Variants in ANK3 observed in about 807,000 individuals in gnomAD.
ANK3 encodes the protein ankyrin-3.
A neutral mutation model predicts 370.9 loss-of-function variants in ANK3; 57 were observed. That is an observed-to-expected ratio of 0.15 (90% CI 0.12 to 0.19). ANK3 has a LOEUF of 0.19. ANK3 is among the 10% of genes least tolerant of loss of function. The pLI, the probability that ANK3 is intolerant of heterozygous loss-of-function variation, is 1.00. For synonymous variants in ANK3, 1,929 were observed against 1,946.3 expected (o/e 0.99, Z 0.23); for missense variants, 4,439 against 5,302.1 (o/e 0.84, Z 5.06).
At chr10:60,085,108 TA>T (rs2086329388) in intron 31 of ANK3, 48 bp downstream of exon 31, 6 of 1,455,414 alleles carry the variant, frequency 4.1e-6, no homozygotes, top group African/African-American at 1.4e-5. Context: ...TTCCAAAAGG[TA>T]ATAAAAACTA....
rs1039806588 is a variant in ANK3 at position 60,070,247 on chromosome 10, C to A, written c.10634G>T (p.Trp3545Leu). The change falls in exon 37 of 44, where the codon TGG (tryptophan) becomes TTG (leucine). Residue 3545 changes from tryptophan to leucine, a missense_variant. Coordinates refer to ENST00000280772, the MANE Select transcript of ANK3 (RefSeq NM_020987.5). The surrounding 1 kb of genome is among the most constrained non-coding windows in gnomAD (Gnocchi z 5.7). The part of the protein sequence containing the change: ...VATKGLDFDP[W>L]SNNRGDDEVF... ...TTCATCATCCCCTCGGTTATTAGAC[C>A]AAGGGTCAAAATCTAGACCTTTGGT... The A allele has an allele frequency of 3.7e-6, 6 of 1,613,894 alleles. No individual in the cohort carries two copies. The highest frequency in any genetic ancestry group is 5.1e-6 in the Non-Finnish European group (6 of 1,179,962).
At chr10:60,547,387 G>A (rs1474481994) in intron 2 of ANK3, among the ~76,000 whole-genome samples, 5 of 151,646 alleles carry the variant, frequency 3.3e-5, no homozygotes, top group Admixed American at 1.3e-4. Flanking sequence ...CATCGCTCCC[G>A]GTCCTTTTCT....
rs1211071025 is a variant in ANK3, at chr10:60,074,594, C to T, written c.6287G>A (p.Cys2096Tyr). 6.2e-7 allele frequency: 1 copy of T among 1,614,018 alleles called. No homozygotes were observed. Among genetic ancestry groups the T allele is most frequent in the African/African-American group, 1.3e-5 (1 of 74,924 alleles). The change falls in exon 37 of 44, where the codon TGT (cysteine) becomes TAT (tyrosine). Residue 2096 changes from cysteine to tyrosine, a missense_variant. Physicochemically the swap from Cys to Tyr is radical, Grantham distance 194 (BLOSUM62 -2). This residue lies in a region of ANK3 where 679 missense variants were observed against 791.0 expected (regional missense o/e 0.86). Transcript: ENST00000280772. ...MRTSTSEKEL[C>Y]KMADSFFGTD... is the part of the protein sequence containing the mutation. ...TCCAAAAAAGGAATCAGCCATTTTA[C>T]ACAATTCTTTCTCAGAGGTGGAAGT...
At chr10:60,517,368 T>C (rs2076244921) in intron 2 of ANK3, among the ~76,000 whole-genome samples, 1 of 152,066 alleles carries the variant, frequency 6.6e-6, no homozygotes. Context: ...CAGCCGATTC[T>C]TAGTTTTCTT....
intron 1 of ANK3, among the ~76,000 whole-genome samples, chr10:60,620,295 T>C (rs2078318281): frequency 2.0e-5 from 3 of 152,200 alleles, no homozygotes; most frequent in African/African-American, 7.2e-5. Flanking sequence ...TTTATTATAT[T>C]TGTGTGAAAA....
At chr10:60,308,355 C>T (rs1041080117) in intron 1 of ANK3, among the ~76,000 whole-genome samples, 2 of 142,592 alleles carry the variant, frequency 1.4e-5, no homozygotes, top group African/African-American at 2.6e-5. Context: ...GCTGGAGTGC[C>T]GTGGCATGAT....
chr10:60,579,314 A>C (rs2077719727), intron 2 of ANK3, among the ~76,000 whole-genome samples: 1 of 134,770 alleles, frequency 7.4e-6, no homozygotes, highest in African/African-American at 2.9e-5. Context: ...CCAGAGCGAG[A>C]CTCTCTCTCA....
chr10:60,085,143 C>T lies in ANK3; in HGVS notation c.3845+14G>A. ...TAATTCCTTACTGCTTTTTGGAATC[C>T]TTTATTTCCATACCTGGCTGAAACA... On this transcript the variant is annotated intron_variant, in intron 31 of 43. Transcript: ENST00000280772. The T allele has an allele frequency of 6.3e-7, 1 of 1,596,514 alleles. No homozygotes were observed. Among genetic ancestry groups the T allele is most frequent in the Non-Finnish European group, 8.5e-7 (1 of 1,169,612 alleles).
chr10:60,290,978 A>T (rs781374489), intron 1 of ANK3, among the ~76,000 whole-genome samples: 5 of 152,178 alleles, frequency 3.3e-5, no homozygotes, highest in Non-Finnish European at 7.3e-5. Flanking sequence ...TCTGGTTTAC[A>T]TCAAAAGGAG....
chr10:60,334,263 ATC>A (rs1331676743), intron 1 of ANK3, among the ~76,000 whole-genome samples: 1 of 152,182 alleles, frequency 6.6e-6, no homozygotes, highest in Non-Finnish European at 1.5e-5. Context: ...ACATAAAATA[ATC>A]TTTGTAATTT....
chr10:60,451,871 T>G (rs939783179), intron 2 of ANK3, among the ~76,000 whole-genome samples: 3 of 152,136 alleles, frequency 2.0e-5, no homozygotes, highest in African/African-American at 7.2e-5. Flanking sequence ...ACTGAAGGAT[T>G]TGACAAGTGT....
chr10:60,504,245 T>C (rs990306496), intron 2 of ANK3, among the ~76,000 whole-genome samples: 1 of 152,186 alleles, frequency 6.6e-6, no homozygotes, highest in African/African-American at 2.4e-5. Flanking sequence ...AAGAGTTCAC[T>C]AGAGCATGGA....
At chr10:60,391,759 T>C (rs866132989), upstream of ANK3, among the ~76,000 whole-genome samples, 11 of 152,318 alleles carry the variant, frequency 7.2e-5, no homozygotes, top group Middle Eastern at 3.4e-3. Context: ...AAAGTATAGT[T>C]GGAAATTAGG....
At chr10:60,206,531 A>AAACGTC (rs1262805745) in intron 10 of ANK3, among the ~76,000 whole-genome samples, 1 of 152,054 alleles carries the variant, frequency 6.6e-6, no homozygotes, top group Non-Finnish European at 1.5e-5. Context: ...TACAGACTGA[A>AAACGTC]AACGTCTGGC....
rs74531139 is a variant in ANK3, at chr10:60,093,165, A to G, written c.3329-4807T>C. ...AAGGAGATAAACGTTTTCCATAGAA[A>G]GCAAATATATTTCCCTCTCCATGAT... On this transcript the variant is annotated intron_variant, in intron 28 of 43. Transcript: ENST00000280772. Among the ~76,000 whole-genome samples, 23 of 152,362 alleles carry G rather than the reference A, an allele frequency of 1.5e-4. No individual in the cohort carries two copies. The East Asian group carries it at 4.2e-3, about 28-fold the overall frequency.
chr10:60,033,303 T>C (rs190324853), intron 43 of ANK3, among the ~76,000 whole-genome samples: 107 of 151,998 alleles, frequency 7.0e-4, no homozygotes, highest in African/African-American at 2.5e-3. Flanking sequence ...TCACCTGAGA[T>C]CAGGAGTTCA....
At chr10:60,505,491 C>G (rs922716661) in intron 2 of ANK3, among the ~76,000 whole-genome samples, 15 of 152,130 alleles carry the variant, frequency 9.9e-5, no homozygotes, top group Admixed American at 8.5e-4. Flanking sequence ...TCAAATTAAG[C>G]ATTAGCAATT....
intron 2 of ANK3, among the ~76,000 whole-genome samples, chr10:60,400,009 A>AGTGTGTGTGT (rs60224309): frequency 1.6e-4 from 24 of 145,988 alleles, no homozygotes; most frequent in Admixed American, 5.5e-4. Flanking sequence ...CCTCCAATAC[A>AGTGTGTGTGT]GTGTGTGTGT....
chr10:60,138,943 A>C, intron 24 of ANK3, 21 bp downstream of exon 24: 1 of 1,611,286 alleles, frequency 6.2e-7, no homozygotes, highest in Non-Finnish European at 8.5e-7. Flanking sequence ...TTAACTATGA[A>C]AGACAGCAAC....
Sources: gnomAD v4.1 joint callset for allele counts (sites outside exome capture counted in the v4.1 genomes callset) on GRCh38, gnomAD v4.1.1 for gene constraint, gnomAD v4.1.1 regional missense constraint, Gnocchi (gnomAD v3.1) non-coding constraint, MANE v1.5 for transcripts, NCBI Gene and HGNC (gene_info 2026-07-23, HGNC 2026-07-21) for gene names.